The following EPC2 variants were observed in gnomAD, a reference collection of about 807,000 sequenced individuals.
EPC2 encodes the protein enhancer of polycomb homolog 2.
In EPC2, 14 loss-of-function variants were observed where a neutral mutation model predicts 92.1. That is an observed-to-expected ratio of 0.15 (90% CI 0.10 to 0.24). The LOEUF is 0.24. EPC2 is among the 10% of genes least tolerant of loss of function. EPC2 has a pLI of 1.00. For missense variants in EPC2, 755 were observed against 971.5 expected (o/e 0.78, Z 2.96); for synonymous variants, 340 against 334.7 (o/e 1.02, Z -0.17).
chr2:148,777,416 A>C (rs539883722), intron 10 of EPC2, among the ~76,000 whole-genome samples: 2 of 152,286 alleles, frequency 1.3e-5, no homozygotes, highest in South Asian at 4.1e-4. Flanking sequence ...TGATGAAAAA[A>C]CAAAGGCACA....
At chr2:148,678,400 G>A (rs1051137872) in intron 1 of EPC2, among the ~76,000 whole-genome samples, 51 of 152,352 alleles carry the variant, frequency 3.3e-4, no homozygotes, top group Admixed American at 9.8e-4. Flanking sequence ...CATTGCACCC[G>A]CATTCCTCAG....
chr2:148,653,573 G>A (rs1004728106), intron 1 of EPC2, among the ~76,000 whole-genome samples: 1 of 152,204 alleles, frequency 6.6e-6, no homozygotes. Context: ...CAGTTTCATT[G>A]TATCTGTCTT....
intron 1 of EPC2, among the ~76,000 whole-genome samples, chr2:148,689,280 C>T (rs1574583786): frequency 6.6e-6 from 1 of 150,898 alleles, no homozygotes; most frequent in South Asian, 2.1e-4. Flanking sequence ...GGGTTCACGC[C>T]ATTCTCCTGC....
chr2:148,670,629 G>GACTAATTTGAAAAAAAAA, intron 1 of EPC2, among the ~76,000 whole-genome samples: 1 of 152,032 alleles, frequency 6.6e-6, no homozygotes, highest in East Asian at 1.9e-4. Flanking sequence ...TGTCAAACGT[G>GACTAATTTGAAAAAAAAA]GTTCTAAAAT....
At chr2:148,762,140 A>G (rs1038021570) in intron 5 of EPC2, 2 of 378,006 alleles carry the variant, frequency 5.3e-6, no homozygotes, top group East Asian at 6.0e-5. Context: ...AGTTTTGTGT[A>G]TACTGTAGAT....
intron 1 of EPC2, among the ~76,000 whole-genome samples, chr2:148,646,789 T>G (rs1683811761): frequency 2.0e-5 from 3 of 152,178 alleles, no homozygotes; most frequent in Non-Finnish European, 4.4e-5. Flanking sequence ...GTGTAATTAC[T>G]TTGATCCTAT....
intron 2 of EPC2, among the ~76,000 whole-genome samples, chr2:148,702,339 T>TTC (rs1165776583): frequency 6.6e-6 from 1 of 152,204 alleles, no homozygotes. Context: ...ATTTGCCTTT[T>TTC]TCTCTCTCTG....
chr2:148,693,346 T>G (rs749772763), intron 2 of EPC2, among the ~76,000 whole-genome samples: 17 of 152,272 alleles, frequency 1.1e-4, no homozygotes, highest in Non-Finnish European at 2.2e-4. Flanking sequence ...GGCAGAAGCC[T>G]CCTTCTTGCC....
chr2:148,755,457 C>T (rs1001880717), intron 4 of EPC2, among the ~76,000 whole-genome samples: 3 of 151,946 alleles, frequency 2.0e-5, no homozygotes, highest in Admixed American at 2.0e-4. Flanking sequence ...TCATTTTCAA[C>T]CCTTAAATAT....
At chr2:148,717,348 G>T (rs1222914248) in intron 2 of EPC2, among the ~76,000 whole-genome samples, 1 of 152,080 alleles carries the variant, frequency 6.6e-6, no homozygotes, top group African/African-American at 2.4e-5. Context: ...GTTAACTTCA[G>T]ATCTTTCTAG....
At chr2:148,675,785 A>T (rs1681251555) in intron 1 of EPC2, among the ~76,000 whole-genome samples, 1 of 152,192 alleles carries the variant, frequency 6.6e-6, no homozygotes, top group Admixed American at 6.5e-5. Context: ...TTTTTAGTCC[A>T]TTACTAATAA....
At chr2:148,721,727 T>TTC in intron 2 of EPC2, among the ~76,000 whole-genome samples, 1 of 149,832 alleles carries the variant, frequency 6.7e-6, no homozygotes, top group East Asian at 1.9e-4. Context: ...TTTTTTTTTT[T>TTC]TTGCCTTGCT....
chr2:148,677,786 G>A (rs1041602073), intron 1 of EPC2, among the ~76,000 whole-genome samples: 1 of 152,078 alleles, frequency 6.6e-6, no homozygotes, highest in Admixed American at 6.5e-5. Context: ...TGCAGTGAGT[G>A]TTACAGCTCT....
intron 1 of EPC2, among the ~76,000 whole-genome samples, chr2:148,656,016 T>G (rs1301642880): frequency 1.1e-5 from 1 of 89,272 alleles, no homozygotes. Flanking sequence ...TGTGTGTGTG[T>G]GTGTGTGTGG....
intron 1 of EPC2, among the ~76,000 whole-genome samples, chr2:148,661,628 T>C (rs1680936476): frequency 6.6e-6 from 1 of 152,174 alleles, no homozygotes; most frequent in Non-Finnish European, 1.5e-5. Flanking sequence ...GCGATGTACA[T>C]AATTTTGTAT....
chr2:148,645,800 G>A (rs1437058117), intron 1 of EPC2, among the ~76,000 whole-genome samples: 2 of 151,866 alleles, frequency 1.3e-5, no homozygotes, highest in Admixed American at 6.6e-5. Flanking sequence ...GACCCGAGCC[G>A]GGCGCGGGGC....
At chr2:148,663,714 C>T (rs1559141111) in intron 1 of EPC2, among the ~76,000 whole-genome samples, 1 of 146,824 alleles carries the variant, frequency 6.8e-6, no homozygotes, top group African/African-American at 2.5e-5. Context: ...ACACCAGGGA[C>T]CAGTTTTGTG....
At position 148,690,209 on chromosome 2, in the gene EPC2, T is replaced by C. The variant is rs767899858; in HGVS notation, c.154-5T>C. The C allele has an allele frequency of 8.8e-6, 14 of 1,586,822 alleles. No homozygotes were observed. The highest frequency in any genetic ancestry group is 1.2e-5 in the Non-Finnish European group (14 of 1,171,056). On this transcript the variant is annotated splice_polypyrimidine_tract_variant and splice_region_variant and intron_variant, in intron 1 of 13. Coordinates refer to ENST00000258484, the MANE Select transcript of EPC2 (RefSeq NM_015630.4). ...AACTTATGTTGCCTACTTTACATTT[T>C]CCAGGAACATCATTTACAGCGAGCA...
At position 148,649,294 on chromosome 2, in the gene EPC2, A is replaced by G. The variant is rs1413176783; in HGVS notation, c.153+4124A>G. The stretch of plus-strand genomic sequence containing the variant: ...ATGCATACAAACATGAAAACAAGAT[A>G]TAGAACATTTCCAACATTGGAGAAG... On this transcript the variant is annotated intron_variant, in intron 1 of 13. Coordinates refer to ENST00000258484, the MANE Select transcript of EPC2 (RefSeq NM_015630.4). 2.6e-5 allele frequency among the ~76,000 whole-genome samples: 4 copies of G among 152,258 alleles called. 1 individual carries two copies. Among genetic ancestry groups the G allele is most frequent in the Admixed American group, 2.6e-4 (4 of 15,286 alleles).
Sources: gnomAD v4.1 joint callset for allele counts (sites outside exome capture counted in the v4.1 genomes callset) on GRCh38, gnomAD v4.1.1 for gene constraint, MANE v1.5 for transcripts, NCBI Gene and HGNC (gene_info 2026-07-23, HGNC 2026-07-21) for gene names.